The following COL6A2 variants were observed in gnomAD, a reference collection of about 807,000 sequenced individuals.
COL6A2 encodes collagen type VI alpha 2 chain.
COL6A2 carries 90 observed loss-of-function variants against 124.9 expected under a neutral mutation model. The ratio of observed to expected loss-of-function variants is 0.72; its 90% CI spans 0.61 to 0.86. The LOEUF (loss-of-function observed/expected upper bound fraction) is 0.86. COL6A2 is among the 40% of genes least tolerant of loss of function. The pLI, the probability that COL6A2 is intolerant of heterozygous loss-of-function variation, is 0.00. For synonymous variants in COL6A2, 793 were observed against 618.2 expected, an observed-to-expected ratio of 1.28 and a Z score of -4.19; for missense variants, 1,607 against 1,502.5, an observed-to-expected ratio of 1.07 and a Z score of -1.15.
intron 5 of COL6A2, among the ~76,000 whole-genome samples, chr21:46,114,728 C>G (rs1460925614): frequency 1.3e-5 from 2 of 152,102 alleles, no homozygotes; most frequent in East Asian, 3.8e-4. Flanking sequence ...GTTTGAATGT[C>G]CCCTGCATTT....
chr21:46,129,835 G>T, intron 27 of COL6A2: 1 of 1,094,474 alleles, frequency 9.1e-7, no homozygotes, highest in Non-Finnish European at 1.1e-6. Context: ...GCTGCATCAG[G>T]TCACCCTCAC....
intron 14 of COL6A2, 86 bp from the exon 15 acceptor site, chr21:46,119,702 C>A: frequency 1.6e-6 from 2 of 1,226,136 alleles, no homozygotes; most frequent in Non-Finnish European, 2.3e-6. Flanking sequence ...AGAGAAGGAG[C>A]ATCGGCCCCG....
rs1200518209 is a variant in COL6A2 at position 46,124,935 on chromosome 21, G to C, written c.1770+15G>C. The C allele has an allele frequency of 6.8e-6, 11 of 1,612,844 alleles. No homozygotes were observed. The highest frequency in any genetic ancestry group is 9.3e-6 in the Non-Finnish European group (11 of 1,179,960). ...CCGGTCTCACGGTAGGTGTCACATG[G>C]GGCAGAACCAGTGTCCTTCTCCTGC... On this transcript the variant is annotated intron_variant, in intron 23 of 27. Coordinates refer to ENST00000300527, the MANE Select transcript of COL6A2 (RefSeq NM_001849.4).
chr21:46,127,748 T>TCCACACTCC (rs1568942643), intron 27 of COL6A2, among the ~76,000 whole-genome samples: 1 of 152,020 alleles, frequency 6.6e-6, no homozygotes, highest in Non-Finnish European at 1.5e-5. Flanking sequence ...CTCTCCACTC[T>TCCACACTCC]GGGTCCAGTG....
chr21:46,122,629 C>A, intron 20 of COL6A2, 98 bp downstream of exon 20: 1 of 1,383,090 alleles, frequency 7.2e-7, no homozygotes, highest in Non-Finnish European at 1.0e-6. Context: ...CAGGACCACC[C>A]CTGTCTTGAG....
chr21:46,105,409 C>T (rs991566193), intron 1 of COL6A2, among the ~76,000 whole-genome samples: 2 of 151,968 alleles, frequency 1.3e-5, no homozygotes, highest in South Asian at 4.2e-4. Flanking sequence ...AAATAAATAT[C>T]TCAGTAAAGG....
chr21:46,129,377 C>G lies in COL6A2; in HGVS notation c.2462-2577C>G. 2.5e-6 allele frequency: 4 copies of G among 1,613,006 alleles called. No homozygotes were observed. Among genetic ancestry groups the G allele is most frequent in the Non-Finnish European group, 3.4e-6 (4 of 1,179,942 alleles). On this transcript the variant is annotated intron_variant, in intron 27 of 27. Transcript: ENST00000300527. ...TGCTGGTCTACACCGCCGAGCGGGC[C>G]AAGTTCGCCACCGGGGTAGAGCGGC...
chr21:46,114,870 G>A (rs1344893510), intron 5 of COL6A2, among the ~76,000 whole-genome samples: 2 of 152,236 alleles, frequency 1.3e-5, no homozygotes, highest in Admixed American at 6.5e-5. Context: ...AGCATAGGAG[G>A]AGAAAGTAGC....
Position 46,116,537 on chromosome 21 carries a change from C to T in COL6A2, c.928-114C>T, listed in dbSNP as rs757394598. The T allele has an allele frequency of 4.1e-5, 65 of 1,575,718 alleles. No individual in the cohort carries two copies. Among genetic ancestry groups the T allele is most frequent in the Non-Finnish European group, 5.2e-5 (60 of 1,150,754 alleles). The stretch of plus-strand genomic sequence containing the variant: ...TTTCTCAGTGGTGGCTTTGGGGGCT[C>T]CTGGGGGGTCCTGTGGCCTTGAGTT... On this transcript the variant is annotated intron_variant, in intron 8 of 27. Coordinates refer to ENST00000300527, the MANE Select transcript of COL6A2 (RefSeq NM_001849.4). The surrounding 1 kb of genome is among the most constrained non-coding windows in gnomAD (Gnocchi z 4.6).
chr21:46,114,164 T>A (rs142389924), intron 5 of COL6A2, 91 bp downstream of exon 5: 22 of 1,084,796 alleles, frequency 2.0e-5, no homozygotes, highest in Non-Finnish European at 2.8e-5. Context: ...TGGTGGCTCA[T>A]ACCTGTAATC....
rs369945453 is a variant in COL6A2, at chr21:46,121,070, G to A, written c.1405G>A (p.Gly469Ser). The change falls in exon 17 of 28, where the codon GGC becomes AGC. Residue 469 changes from glycine (G) to serine (S), a missense_variant. Coordinates refer to ENST00000300527, the MANE Select transcript of COL6A2 (RefSeq NM_001849.4). ...CTCCCCTTTCTTCCAGGGAGACCGA[G>A]GCTTGCCTGGACCCAGAGGCCCCCA... ...VGNKGAKGDR[G>S]LPGPRGPQGA... 1.8e-5 allele frequency: 29 copies of A among 1,612,800 alleles called. No homozygotes were observed. Among genetic ancestry groups the A allele is most frequent in the South Asian group, 5.5e-5 (5 of 91,086 alleles).
rs371423618 is a variant in COL6A2 at position 46,125,917 on chromosome 21, C to G, written c.2102C>G (p.Thr701Ser). Residue 701 changes from threonine (T) to serine (S), a missense_variant, in exon 26 of 28, where the codon ACC (threonine) becomes AGC (serine). Physicochemically the swap from Thr to Ser is moderately conservative, Grantham distance 58. Coordinates refer to ENST00000300527, the MANE Select transcript of COL6A2 (RefSeq NM_001849.4). Reference protein sequence around the residue: ...VKNLEWIAGGTWTPSALKFAY... With the variant: ...VKNLEWIAGGSWTPSALKFAY... ...AACCTCGAGTGGATTGCGGGCGGCACCTGGACACCCTCAGCCCTCAAGTTT... is the reference window on the plus strand; with the variant it reads ...AACCTCGAGTGGATTGCGGGCGGCAGCTGGACACCCTCAGCCCTCAAGTTT... 10 of 1,613,164 alleles carry G rather than the reference C, an allele frequency of 6.2e-6. No individual in the cohort carries two copies. The highest frequency in any genetic ancestry group is 1.7e-5 in the Admixed American group (1 of 60,024).
chr21:46,112,099 G>A lies in COL6A2; in HGVS notation c.236G>A (p.Ser79Asn). The change falls in exon 3 of 28, where the codon AGC becomes AAC. Residue 79 changes from serine (S) to asparagine (N), a missense_variant. This residue lies in a region of COL6A2 where 342 missense variants were observed against 381.5 expected (regional missense o/e 0.90). Coordinates refer to ENST00000300527, the MANE Select transcript of COL6A2 (RefSeq NM_001849.4). Reference protein sequence around the residue: ...HMKQFVPQFISQLQNEFYLDQ... With the variant: ...HMKQFVPQFINQLQNEFYLDQ... ...AAGCAGTTCGTGCCGCAGTTCATCA[G>A]CCAGCTGCAGAACGAGTTCTACCTG... is the stretch of plus-strand genomic sequence containing the variant. 2 of 1,613,206 alleles carry A rather than the reference G, an allele frequency of 1.2e-6. No homozygotes were observed. Among genetic ancestry groups the A allele is most frequent in the East Asian group, 4.5e-5 (2 of 44,876 alleles).
chr21:46,126,890 C>A (rs1015682386), intron 27 of COL6A2, among the ~76,000 whole-genome samples: 1 of 152,156 alleles, frequency 6.6e-6, no homozygotes, highest in Non-Finnish European at 1.5e-5. Flanking sequence ...CGTGCATGTG[C>A]CACTCGGAGG....
At position 46,110,339 on chromosome 21, in the gene COL6A2, CT is replaced by C. The variant is rs886979781; in HGVS notation, c.-27-1101del. ...TTATCTGTAGAGTTACTTTTAGGGA[CT>C]TTTTTTTTTATCAAGCTTTGGTCAC... On this transcript the variant is annotated intron_variant, in intron 1 of 27. Transcript: ENST00000300527. Among the ~76,000 whole-genome samples the C allele has an allele frequency of 2.1e-3, 311 of 150,088 alleles. 1 individual carries two copies. Among genetic ancestry groups the C allele is most frequent in the African/African-American group, 7.0e-3 (285 of 40,872 alleles).
chr21:46,120,182 T>A (rs1279835927), intron 15 of COL6A2, among the ~76,000 whole-genome samples: 1 of 83,218 alleles, frequency 1.2e-5, no homozygotes, highest in Admixed American at 2.0e-4. Context: ...CCACGTGACC[T>A]CAGGGGTGAT....
At chr21:46,119,175 T>G in intron 14 of COL6A2, 56 bp downstream of exon 14, 1 of 1,361,620 alleles carries the variant, frequency 7.3e-7, no homozygotes, top group Non-Finnish European at 1.0e-6. Flanking sequence ...TCCTTGCAGC[T>G]TGAGGAGGAC....
chr21:46,126,472 G>T, intron 26 of COL6A2, 31 bp from the exon 27 acceptor site: 1 of 1,612,026 alleles, frequency 6.2e-7, no homozygotes, highest in Non-Finnish European at 8.5e-7. Flanking sequence ...GACTGACCCT[G>T]GCCTGGCCCG....
intron 27 of COL6A2, chr21:46,129,700 T>C: frequency 7.1e-7 from 1 of 1,411,502 alleles, no homozygotes; most frequent in South Asian, 1.7e-5. Flanking sequence ...TCTTCCAGTC[T>C]CTCCTCCGTC....
Sources: allele counts gnomAD v4.1 joint callset (sites outside exome capture counted in the v4.1 genomes callset), GRCh38; gene constraint gnomAD v4.1.1; regional missense constraint gnomAD v4.1.1; non-coding constraint Gnocchi (gnomAD v3.1); transcripts MANE v1.5; gene names NCBI Gene and HGNC (gene_info 2026-07-23, HGNC 2026-07-21).